DACH1: variants seen among roughly 807,000 people sequenced by gnomAD.
The protein encoded by DACH1 is dachshund homolog 1.
A neutral mutation model predicts 54.2 loss-of-function variants in DACH1; 12 were observed. The observed-to-expected ratio is 0.22, with a 90% CI of 0.14 to 0.36. The LOEUF (loss-of-function observed/expected upper bound fraction) is 0.36, where lower values mean the gene tolerates loss of function less well. Among genes scored for constraint, DACH1 ranks in the 10% least tolerant of loss-of-function variants. The probability of loss-of-function intolerance (pLI) is 1.00; values close to 1 mark genes in which losing one functional copy is unlikely to be tolerated. For missense variants in DACH1, 805 were observed against 929.8 expected (o/e 0.87, Z 1.75); for synonymous variants, 386 against 366.2 (o/e 1.05, Z -0.62).
chr13:71,442,030 C>G (rs1874050976), intron 10 of DACH1, among the ~76,000 whole-genome samples: 1 of 152,068 alleles, frequency 6.6e-6, no homozygotes. Context: ...AAACACTTAT[C>G]CTCTGTGTTA....
intron 10 of DACH1, among the ~76,000 whole-genome samples, chr13:71,452,619 T>C (rs956570990): frequency 6.6e-6 from 1 of 152,116 alleles, no homozygotes; most frequent in Non-Finnish European, 1.5e-5. Flanking sequence ...AGCAATGAGG[T>C]TTTTGAGAAG....
chr13:71,672,017 A>C (rs2138678182), intron 2 of DACH1, among the ~76,000 whole-genome samples: 1 of 152,256 alleles, frequency 6.6e-6, no homozygotes. Context: ...AATTGCTATC[A>C]GCATGACTGT....
chr13:71,505,410 G>A (rs1315251470), intron 6 of DACH1, among the ~76,000 whole-genome samples: 1 of 152,046 alleles, frequency 6.6e-6, no homozygotes, highest in Non-Finnish European at 1.5e-5. Flanking sequence ...ATATTTAGAA[G>A]GCTTGAGATA....
At chr13:71,818,992 G>A (rs867581169) in intron 1 of DACH1, among the ~76,000 whole-genome samples, 2 of 152,200 alleles carry the variant, frequency 1.3e-5, no homozygotes, top group African/African-American at 2.4e-5. Flanking sequence ...ACTGGAGAGA[G>A]TTAGATGATG....
At chr13:71,640,257 G>A (rs1460878323) in intron 2 of DACH1, among the ~76,000 whole-genome samples, 1 of 151,946 alleles carries the variant, frequency 6.6e-6, no homozygotes, top group East Asian at 1.9e-4. Flanking sequence ...AGACACTCAG[G>A]TATGTCACAA....
At chr13:71,748,863 TTTC>T (rs1274059689) in intron 1 of DACH1, among the ~76,000 whole-genome samples, 1 of 23,456 alleles carries the variant, frequency 4.3e-5, no homozygotes, top group Non-Finnish European at 1.9e-4. Flanking sequence ...TCTTTCTTTC[TTTC>T]TTTCTTTCTT....
At chr13:71,470,398 T>A (rs1358196252) in intron 10 of DACH1, among the ~76,000 whole-genome samples, 1 of 151,720 alleles carries the variant, frequency 6.6e-6, no homozygotes, top group African/African-American at 2.4e-5. Context: ...AACCTCTGCC[T>A]CAAAGGTTCA....
chr13:71,485,790 C>A (rs1040408590), intron 7 of DACH1, among the ~76,000 whole-genome samples: 1 of 151,188 alleles, frequency 6.6e-6, no homozygotes, highest in African/African-American at 2.4e-5. Flanking sequence ...ACTATATTGG[C>A]CAGGATGGTC....
chr13:71,742,966 A>AT (rs1274284344), intron 1 of DACH1, among the ~76,000 whole-genome samples: 1 of 152,140 alleles, frequency 6.6e-6, no homozygotes, highest in Non-Finnish European at 1.5e-5. Context: ...GTCACATAAC[A>AT]TATGTGAGGG....
intron 2 of DACH1, among the ~76,000 whole-genome samples, chr13:71,657,312 G>A (rs1013177270): frequency 6.6e-6 from 1 of 151,788 alleles, no homozygotes; most frequent in African/African-American, 2.4e-5. Flanking sequence ...TAAACACAGT[G>A]TGACCTTATC....
intron 10 of DACH1, among the ~76,000 whole-genome samples, chr13:71,471,003 T>G (rs1877022096): frequency 6.6e-6 from 1 of 150,998 alleles, no homozygotes. Context: ...AGCGGGAGAG[T>G]GAGGGGTCTG....
At chr13:71,781,780 C>T (rs1477685040) in intron 1 of DACH1, among the ~76,000 whole-genome samples, 1 of 152,112 alleles carries the variant, frequency 6.6e-6, no homozygotes, top group East Asian at 1.9e-4. Flanking sequence ...TCAAAGATCA[C>T]TCTGGACTGA....
At chr13:71,574,351 A>G (rs1885404403) in intron 3 of DACH1, among the ~76,000 whole-genome samples, 1 of 152,146 alleles carries the variant, frequency 6.6e-6, no homozygotes, top group Non-Finnish European at 1.5e-5. Flanking sequence ...TTGAAAATAC[A>G]AACTATCCAC....
intron 1 of DACH1, among the ~76,000 whole-genome samples, chr13:71,804,234 G>T (rs1458241987): frequency 6.6e-6 from 1 of 152,110 alleles, no homozygotes; most frequent in Admixed American, 6.6e-5. Context: ...AATTGCTTGA[G>T]CCCAAGAAGT....
intron 1 of DACH1, among the ~76,000 whole-genome samples, chr13:71,769,911 T>G (rs1299472152): frequency 6.6e-6 from 1 of 151,714 alleles, no homozygotes; most frequent in African/African-American, 2.4e-5. Context: ...ATCCACTATT[T>G]TCTATGGACA....
intron 1 of DACH1, among the ~76,000 whole-genome samples, chr13:71,830,215 T>C (rs572340382): frequency 6.6e-6 from 1 of 151,966 alleles, no homozygotes; most frequent in East Asian, 1.9e-4. Context: ...ATCAAATTTA[T>C]CTTATTTATA....
At chr13:71,564,397 A>C (rs926306103) in intron 4 of DACH1, among the ~76,000 whole-genome samples, 3 of 151,978 alleles carry the variant, frequency 2.0e-5, no homozygotes, top group African/African-American at 7.2e-5. Context: ...AATAAAACAC[A>C]ATCTTTTGCA....
intron 1 of DACH1, among the ~76,000 whole-genome samples, chr13:71,816,619 CGTGTATATAT>C (rs1887949919): frequency 4.3e-5 from 6 of 138,162 alleles, no homozygotes; most frequent in East Asian, 2.0e-4. Flanking sequence ...TATATATACA[CGTGTATATAT>C]ACACACACAT....
intron 6 of DACH1, among the ~76,000 whole-genome samples, chr13:71,543,642 T>C (rs1416391363): frequency 2.0e-5 from 3 of 152,094 alleles, no homozygotes; most frequent in Non-Finnish European, 4.4e-5. Flanking sequence ...TAAGTAGATA[T>C]ATTGCTTAAA....
Sources: allele counts gnomAD v4.1 joint callset (sites outside exome capture counted in the v4.1 genomes callset), GRCh38; gene constraint gnomAD v4.1.1; transcripts MANE v1.5; gene names NCBI Gene and HGNC (gene_info 2026-07-23, HGNC 2026-07-21).